HAUS7: variants seen among roughly 807,000 people sequenced by gnomAD.
The protein encoded by HAUS7 is HAUS augmin-like complex subunit 7.
HAUS7 carries 3 observed loss-of-function variants against 28.4 expected under a neutral mutation model. The ratio of observed to expected loss-of-function variants is 0.11; its 90% CI spans 0.05 to 0.27. The LOEUF (loss-of-function observed/expected upper bound fraction) is 0.27, where lower values mean the gene tolerates loss of function less well. Among genes scored for constraint, HAUS7 ranks in the 10% least tolerant of loss-of-function variants. The pLI is 1.00. For synonymous variants in HAUS7, 165 were observed against 132.1 expected (o/e 1.25, Z -1.71); for missense variants, 284 against 297.3 (o/e 0.96, Z 0.33).
At chrX:153,493,036 T>C (rs1029180870) in intron 1 of HAUS7, among the ~76,000 whole-genome samples, 33 of 112,309 alleles carry the variant, frequency 2.9e-4, no homozygotes, top group Non-Finnish European at 5.3e-4. Flanking sequence ...TGAGAGTGGC[T>C]GTGCTTACCA....
chrX:153,462,219 G>C lies in HAUS7; in HGVS notation c.354+391C>G, dbSNP rs1232687946. On this transcript the variant is annotated intron_variant, in intron 4 of 9. Coordinates refer to ENST00000370211, the MANE Select transcript of HAUS7 (RefSeq NM_001385482.1). ...CTGGAGTTTCTTTGACCTACCGCAG[G>C]GTAGATGAGGGACCTCGGGAGAAAC... The C allele has an allele frequency of 8.2e-6, 6 of 728,769 alleles. No homozygotes were observed. The East Asian group carries it at 9.2e-4, about 111-fold the overall frequency. The allele number at this position is 728,769 out of a possible 1,213,427, so 60.1% of individuals were successfully genotyped here. A position where few individuals can be genotyped will look rare whatever the true frequency, so the allele number is the denominator to read the frequency against.
chrX:153,452,199 G>A (rs1253177193), intron 9 of HAUS7, among the ~76,000 whole-genome samples: 1 of 112,091 alleles, frequency 8.9e-6, no homozygotes, highest in African/African-American at 3.3e-5. Flanking sequence ...AAGGAGAAAT[G>A]AAGACATTCC....
chrX:153,473,205 A>G (rs2089540528), upstream of HAUS7, among the ~76,000 whole-genome samples: 1 of 112,522 alleles, frequency 8.9e-6, no homozygotes, highest in African/African-American at 3.2e-5. Context: ...TTAAGGGCAG[A>G]CCCCACGGTG....
rs936147292 is a variant in HAUS7 at position 153,456,476 on chromosome X, C to T, written c.605+17G>A. The T allele has an allele frequency of 2.6e-6, 3 of 1,176,433 alleles. No individual in the cohort carries two copies. In the African/African-American group the frequency reaches 5.3e-5, roughly 21 times the overall value. ...GGAGGCCAGGGTGCTGCCACTGAGG[C>T]CTCCAGGAGCACGTACCACTGCCAG... is the stretch of plus-strand genomic sequence containing the variant. On this transcript the variant is annotated intron_variant, in intron 6 of 9. Transcript: ENST00000370211.
At position 153,456,589 on chromosome X, in the gene HAUS7, G is replaced by C. The variant is rs1200329431; in HGVS notation, c.509C>G (p.Ser170Cys). The C allele has an allele frequency of 2.6e-4, 305 of 1,176,856 alleles. No homozygotes were observed. The highest frequency in any genetic ancestry group is 3.4e-4 in the Non-Finnish European group (297 of 876,427). The change falls in exon 6 of 10, where the codon TCT (serine) becomes TGT (cysteine). Residue 170 changes from serine (S) to cysteine (C), a missense_variant. By Grantham distance (112) the Ser-to-Cys change is moderately radical. Transcript: ENST00000370211. ...KNEALLGELF[S>C]SPHLQMLLNP... ...CAGGAGCATCTGCAGGTGGGGGCTA[G>C]AGAAGAGCTCCCCCAGCAAGGCCTC...
chrX:153,471,324 C>T (rs939513260), upstream of HAUS7, among the ~76,000 whole-genome samples: 2 of 112,063 alleles, frequency 1.8e-5, no homozygotes, highest in African/African-American at 6.5e-5. Flanking sequence ...GAACAGTGCC[C>T]GGCGCATGCG....
chrX:153,464,335 G>A (rs1331777681), intron 3 of HAUS7, among the ~76,000 whole-genome samples: 6 of 112,658 alleles, frequency 5.3e-5, no homozygotes, highest in African/African-American at 1.3e-4. Context: ...CCAGCCCACC[G>A]GCTGCTCTAA....
chrX:153,482,829 A>ACCGGCTGCGGGCCATCCCACGCC (rs1556987633), intron 1 of HAUS7: 9 of 678,801 alleles, frequency 1.3e-5, no homozygotes, highest in Non-Finnish European at 1.4e-5. Context: ...CTGGACCGGA[A>ACCGGCTGCGGGCCATCCCACGCC]CCGGCTGCGG....
chrX:153,455,197 T>C, intron 8 of HAUS7: 1 of 419,463 alleles, frequency 2.4e-6, no homozygotes, highest in Non-Finnish European at 4.4e-6. Context: ...GAATGGACCT[T>C]GCTATTTTGG....
At chrX:153,471,167 T>G, upstream of HAUS7, 1 of 265,501 alleles carries the variant, frequency 3.8e-6, no homozygotes, top group Non-Finnish European at 7.3e-6. Flanking sequence ...AGGAAATTTC[T>G]TGTCACTCAC....
At chrX:153,464,842 C>A (rs961398172) in intron 3 of HAUS7, 146 bp downstream of exon 3, 23 of 499,394 alleles carry the variant, frequency 4.6e-5, no homozygotes, top group Non-Finnish European at 7.2e-5. Flanking sequence ...CCTGCCATGC[C>A]TAGGGAAGGG....
chrX:153,454,656 A>C, intron 8 of HAUS7, 148 bp from the exon 9 acceptor site: 4 of 488,775 alleles, frequency 8.2e-6, no homozygotes, highest in Non-Finnish European at 1.4e-5. Context: ...GCCAAGGGTG[A>C]GGGACAGAAC....
intron 1 of HAUS7, among the ~76,000 whole-genome samples, chrX:153,487,642 G>C (rs782393822): frequency 9.8e-4 from 111 of 112,800 alleles, no homozygotes; most frequent in African/African-American, 3.4e-3. Flanking sequence ...ATCTGACCTG[G>C]TGCCAGGGAA....
At chrX:153,474,426 G>A (rs2089548582), upstream of HAUS7, among the ~76,000 whole-genome samples, 1 of 111,689 alleles carries the variant, frequency 9.0e-6, no homozygotes, top group Non-Finnish European at 1.9e-5. Flanking sequence ...AGTGGGCCTG[G>A]AGGTGCTACC....
chrX:153,448,700 C>T (rs2089199181), intron 9 of HAUS7, among the ~76,000 whole-genome samples: 1 of 112,559 alleles, frequency 8.9e-6, no homozygotes, highest in South Asian at 3.6e-4. Context: ...CCCCAGGCAC[C>T]ACCAGGATGG....
At chrX:153,474,703 AGGCGGGGGCGGG>A (rs782113268), upstream of HAUS7, among the ~76,000 whole-genome samples, 43 of 36,601 alleles carry the variant, frequency 1.2e-3, no homozygotes, top group East Asian at 0.029. Flanking sequence ...GCAACGGGAG[AGGCGGGGGCGGG>A]GGCGGGGGCG....
rs782412305 is a variant in HAUS7 at position 153,456,332 on chromosome X, T to C, written c.638A>G (p.Glu213Gly). 22 of 1,205,861 alleles carry C rather than the reference T, an allele frequency of 1.8e-5. No homozygotes were observed. The highest frequency in any genetic ancestry group is 1.6e-5 in the Non-Finnish European group (14 of 891,357). ...ASASAKSEEE[E>G]KLAELARQLQ... The stretch of plus-strand genomic sequence containing the variant: ...CTGCCTGGCAAGCTCCGCCAGCTTC[T>C]CCTCCTCCTCGGACTTGGCAGAGGC... Residue 213 changes from glutamate to glycine, a missense_variant, in exon 7 of 10, where the codon GAG (glutamate) becomes GGG (glycine). Transcript: ENST00000370211.
At position 153,455,639 on chromosome X, in the gene HAUS7, T is replaced by C; in HGVS notation, c.833A>G (p.Asp278Gly). 1 of 1,209,237 alleles carries C rather than the reference T, an allele frequency of 8.3e-7. No homozygotes were observed. Among genetic ancestry groups the C allele is most frequent in the Non-Finnish European group, 1.1e-6 (1 of 893,065 alleles). The change falls in exon 8 of 10, where the codon GAC becomes GGC. Residue 278 changes from aspartate to glycine, a missense_variant. By Grantham distance (94) the Asp-to-Gly change is moderately conservative. Transcript: ENST00000370211. ...GCGCTGGCAGCACTCGCCCAGCTCG[T>C]CGTCGTAGACTTGGAGAAAAGCCAA... ...LILAFLQVYD[D>G]ELGECCQRPG... is the part of the protein sequence containing the mutation.
intron 1 of HAUS7, among the ~76,000 whole-genome samples, chrX:153,494,742 G>A (rs1160813390): frequency 2.9e-5 from 3 of 105,127 alleles, no homozygotes; most frequent in Non-Finnish European, 4.0e-5. Context: ...GCGGGGGAGG[G>A]GGGGGGAGGT....
Sources: gnomAD v4.1 joint callset for allele counts (sites outside exome capture counted in the v4.1 genomes callset) on GRCh38, gnomAD v4.1.1 for gene constraint, MANE v1.5 for transcripts, NCBI Gene and HGNC (gene_info 2026-07-23, HGNC 2026-07-21) for gene names.